The following CPZ variants were observed in gnomAD, a reference collection of about 807,000 sequenced individuals.
CPZ encodes the protein VEZT/CPZ fusion.
Under a neutral mutation model 61.8 loss-of-function variants are expected in CPZ, and 103 were observed. The observed-to-expected ratio is 1.67, with a 90% confidence interval of 1.42 to 1.96. The LOEUF (loss-of-function observed/expected upper bound fraction) is 1.96. CPZ is among the 30% of genes most tolerant of loss of function. The probability of loss-of-function intolerance (pLI) is 0.00; values close to 1 mark genes in which losing one functional copy is unlikely to be tolerated. For missense variants in CPZ, 1,461 were observed against 914.9 expected, an observed-to-expected ratio of 1.60 and a Z score of -7.70; for synonymous variants, 551 against 373.7, an observed-to-expected ratio of 1.47 and a Z score of -5.47.
At chr4:8,604,217 G>T in intron 4 of CPZ, 29 bp downstream of exon 4, 1 of 1,498,946 alleles carries the variant, frequency 6.7e-7, no homozygotes, top group Non-Finnish European at 9.0e-7. Flanking sequence ...GCCTGGCCTG[G>T]CCCCGTTTCG....
chr4:8,611,313 G>T (rs1445187572), intron 7 of CPZ: 2 of 455,540 alleles, frequency 4.4e-6, no homozygotes, highest in Non-Finnish European at 8.8e-6. Context: ...CCACAAAGGA[G>T]GATCTGTGGA....
intron 1 of CPZ, among the ~76,000 whole-genome samples, chr4:8,594,278 G>C (rs1031941988): frequency 1.8e-4 from 27 of 152,196 alleles, no homozygotes; most frequent in African/African-American, 6.0e-4. Context: ...GGGCAGAGCC[G>C]GTCACCTGCA....
At position 8,614,435 on chromosome 4, in the gene CPZ, C is replaced by A. The variant is rs966225662; in HGVS notation, c.1440C>A (p.Pro480=). The change falls in exon 9 of 11, where the codon CCC becomes CCA. Residue 480 remains proline, a synonymous_variant. Coordinates refer to ENST00000360986, the MANE Select transcript of CPZ (RefSeq NM_001014447.3). ...TVELGCVKFP[P]EEALYILWQH... ...AGCTGGGCTGTGTGAAGTTCCCCCC[C>A]GAGGAGGCCCTGTACATACTCTGGC... The A allele has an allele frequency of 2.5e-6, 4 of 1,614,030 alleles. No homozygotes were observed. The highest frequency in any genetic ancestry group is 1.7e-5 in the Admixed American group (1 of 60,014).
At chr4:8,610,546 C>A (rs1046011872) in intron 7 of CPZ, among the ~76,000 whole-genome samples, 1 of 150,532 alleles carries the variant, frequency 6.6e-6, no homozygotes, top group South Asian at 2.1e-4. Flanking sequence ...TCCTACCCCC[C>A]GAGGCTACAC....
rs199580862 is a variant in CPZ at position 8,604,075 on chromosome 4, G to A, written c.596G>A (p.Arg199Gln). Residue 199 changes from arginine (R) to glutamine (Q), a missense_variant, in exon 4 of 11, where the codon CGG (arginine) becomes CAG (glutamine). Transcript: ENST00000360986. ...SYAQMVRVLR[R>Q]TASRCAHVAR... is the part of the protein sequence containing the mutation. ...GCCCAGATGGTGCGTGTGCTGAGGC[G>A]GACGGCCTCCCGCTGCGCCCACGTG... The A allele has an allele frequency of 2.0e-4, 317 of 1,610,360 alleles. No homozygotes were observed. Among genetic ancestry groups the A allele is most frequent in the Non-Finnish European group, 2.1e-4 (244 of 1,179,214 alleles).
chr4:8,610,550 G>A (rs918045705), intron 7 of CPZ, among the ~76,000 whole-genome samples: 3 of 150,472 alleles, frequency 2.0e-5, no homozygotes, highest in African/African-American at 7.4e-5. Context: ...ACCCCCCGAG[G>A]CTACACCCTG....
At chr4:8,618,664 GGTCGGGGAGGGTGGGCAGGAACCAGGGT>G in intron 10 of CPZ, 136 bp downstream of exon 10, 1 of 785,246 alleles carries the variant, frequency 1.3e-6, no homozygotes, top group South Asian at 1.7e-5. Context: ...AGGCTGGCTG[GGTCGGGGAGGGTGGGCAGGAACCAGGGT>G]CTGCGTCTCC....
At chr4:8,617,327 C>T (rs775423968) in intron 9 of CPZ, among the ~76,000 whole-genome samples, 3 of 152,186 alleles carry the variant, frequency 2.0e-5, no homozygotes, top group Non-Finnish European at 4.4e-5. Context: ...GTCACTACGG[C>T]AGAGCTGATT....
Position 8,592,812 on chromosome 4 carries a change from G to T in CPZ, c.-22G>T, listed in dbSNP as rs920099271. On this transcript the variant is annotated 5_prime_UTR_variant, in exon 1 of 11. Transcript: ENST00000360986. Reference sequence around the variant, plus strand: ...CGAGTGCCACATCACTGCGCTGGCCGTCCAAGGTCCGCCGCCCCACCATGC... The same window carrying T: ...CGAGTGCCACATCACTGCGCTGGCCTTCCAAGGTCCGCCGCCCCACCATGC... The T allele has an allele frequency of 7.0e-6, 10 of 1,433,304 alleles. No individual in the cohort carries two copies. The highest frequency in any genetic ancestry group is 5.9e-5 in the East Asian group (2 of 33,712). 88.8% of individuals were successfully genotyped at this position (1,433,304 alleles called of 1,614,324 possible).
At chr4:8,604,454 G>A (rs534995296) in intron 4 of CPZ, among the ~76,000 whole-genome samples, 1 of 152,352 alleles carries the variant, frequency 6.6e-6, no homozygotes, top group South Asian at 2.1e-4. Context: ...TGATCTAGTG[G>A]CTGAAAAGAT....
At chr4:8,614,320 G>A (rs868382614) in intron 8 of CPZ, 39 bp from the exon 9 acceptor site, 3 of 1,589,796 alleles carry the variant, frequency 1.9e-6, no homozygotes, top group Middle Eastern at 1.7e-4. Flanking sequence ...TCTCTGTGCG[G>A]CTGACACCCC....
At chr4:8,598,421 A>T (rs1714335905) in intron 1 of CPZ, among the ~76,000 whole-genome samples, 1 of 152,190 alleles carries the variant, frequency 6.6e-6, no homozygotes, top group Non-Finnish European at 1.5e-5. Context: ...TCCTGGCCTC[A>T]AGGTTCTGTC....
In CPZ at chr4:8,599,327, G is replaced by C. The variant is rs553399952; in HGVS notation, c.89-126G>C. 8,205 of 1,098,990 alleles carry C rather than the reference G, an allele frequency of 7.5e-3. 49 individuals are homozygous for C. The highest frequency in any genetic ancestry group is 0.018 in the Middle Eastern group (58 of 3,198). The allele number at this position is 1,098,990 out of a possible 1,614,324, so 68.1% of individuals were successfully genotyped here. ...TCAGGGGCTGCTGTGAAGACTCCAT[G>C]AGATGGAGCTGGCGGAGGGTGGCCT... On this transcript the variant is annotated intron_variant, in intron 1 of 10. Coordinates refer to ENST00000360986, the MANE Select transcript of CPZ (RefSeq NM_001014447.3).
chr4:8,603,785 A>G (rs1714746447), intron 3 of CPZ, 191 bp from the exon 4 acceptor site: 1 of 613,678 alleles, frequency 1.6e-6, no homozygotes, highest in Non-Finnish European at 2.9e-6. Flanking sequence ...TGCTGTGTAC[A>G]TACCTCAGGT....
chr4:8,604,725 C>T (rs541014830), intron 4 of CPZ, among the ~76,000 whole-genome samples: 52 of 152,300 alleles, frequency 3.4e-4, no homozygotes, highest in Admixed American at 1.5e-3. Flanking sequence ...TCAAGTGATC[C>T]GCCCAGCTCG....
intron 6 of CPZ, 28 bp downstream of exon 6, chr4:8,606,926 C>G (rs989527346): frequency 1.3e-6 from 2 of 1,568,106 alleles, no homozygotes; most frequent in South Asian, 1.2e-5. Flanking sequence ...CCATGCTGGT[C>G]TCCACCAAGG....
chr4:8,601,830 G>A, intron 3 of CPZ: 1 of 235,062 alleles, frequency 4.3e-6, no homozygotes, highest in Non-Finnish European at 8.2e-6. Flanking sequence ...CTCGTGTGGG[G>A]GAGCCTGGGC....
At position 8,607,284 on chromosome 4, in the gene CPZ, G is replaced by A; in HGVS notation, c.1086G>A (p.Lys362=). Residue 362 remains lysine, a synonymous_variant, in exon 7 of 11, where the codon AAG becomes AAA. Transcript: ENST00000360986. The part of the protein sequence containing the change: ...YWWGKVAPET[K]AIMKWMQTIP... ...CTGGGCAGGTGGCCCCGGAGACAAA[G>A]GCAATCATGAAGTGGATGCAGACCA... is the stretch of plus-strand genomic sequence containing the variant. The A allele has an allele frequency of 6.2e-7, 1 of 1,614,062 alleles. No individual in the cohort carries two copies. Among genetic ancestry groups the A allele is most frequent in the Non-Finnish European group, 8.5e-7 (1 of 1,179,940 alleles).
chr4:8,615,151 T>A (rs1249530366), intron 9 of CPZ, among the ~76,000 whole-genome samples: 1 of 152,004 alleles, frequency 6.6e-6, no homozygotes, highest in African/African-American at 2.4e-5. Context: ...GCGTCCTGAC[T>A]GAGGGGTGAC....
Sources: allele counts gnomAD v4.1 joint callset (sites outside exome capture counted in the v4.1 genomes callset), GRCh38; gene constraint gnomAD v4.1.1; transcripts MANE v1.5; gene names NCBI Gene and HGNC (gene_info 2026-07-23, HGNC 2026-07-21).